Variants in PPP1R1C observed in about 807,000 individuals in gnomAD.
PPP1R1C encodes the protein protein phosphatase 1 regulatory subunit 1C.
A neutral mutation model predicts 17.4 loss-of-function variants in PPP1R1C; 15 were observed. The observed-to-expected ratio is 0.86, with a 90% CI of 0.58 to 1.33. The LOEUF (loss-of-function observed/expected upper bound fraction) is 1.33. Ranked by LOEUF, PPP1R1C falls within the 40% of genes most tolerant of loss-of-function variation. The pLI is 0.00. For synonymous variants in PPP1R1C, 35 were observed against 43.1 expected (o/e 0.81, Z 0.73); for missense variants, 143 against 130.0 (o/e 1.10, Z -0.48).
At chr2:181,988,661 T>C (rs1685371083) in intron 2 of PPP1R1C, among the ~76,000 whole-genome samples, 1 of 152,182 alleles carries the variant, frequency 6.6e-6, no homozygotes, top group Middle Eastern at 3.2e-3. Flanking sequence ...TTTGCAGGTA[T>C]AAACAATAAT....
At chr2:182,124,080 A>G (rs1486575096) in intron 5 of PPP1R1C, among the ~76,000 whole-genome samples, 1 of 152,196 alleles carries the variant, frequency 6.6e-6, no homozygotes, top group Non-Finnish European at 1.5e-5. Flanking sequence ...ATGGCTAGCC[A>G]GTTTTCCCCA....
Position 181,962,151 on chromosome 2 carries a change from T to C in PPP1R1C, n.111+7517T>C. 1.4e-6 allele frequency: 1 copy of C among 736,890 alleles called. No homozygotes were observed. Among genetic ancestry groups the C allele is most frequent in the South Asian group, 1.4e-5 (1 of 73,638 alleles). The allele number at this position is 736,890 out of a possible 1,614,324, so 45.6% of individuals were successfully genotyped here. On this transcript the variant is annotated intron_variant and non_coding_transcript_variant, in intron 1 of 5. Coordinates refer to the PPP1R1C transcript ENST00000464264. This position sits in a 1 kb window ranked among gnomAD's most constrained non-coding sequence, Gnocchi z 6.0. Reference sequence around the variant, plus strand: ...TTCTCCAGGTGCTCCCGGATTTTGCTCTCCAGCTTCCGGTTCTTGGTCTCC... The same window carrying C: ...TTCTCCAGGTGCTCCCGGATTTTGCCCTCCAGCTTCCGGTTCTTGGTCTCC...
intron 1 of PPP1R1C, among the ~76,000 whole-genome samples, chr2:181,986,708 T>G (rs1305837905): frequency 1.3e-5 from 2 of 152,220 alleles, no homozygotes; most frequent in African/African-American, 4.8e-5. Context: ...GATTTGTAGC[T>G]TTTTGTACAG....
In PPP1R1C at chr2:182,038,693, G is replaced by C. The variant is rs72893112; in HGVS notation, c.143-22749G>C. ...AGGGTTTTTGTGAATCAAATCCATGGATTTAAAAAAGCAATAGGCTGTGTG... is the reference window on the plus strand; with the variant it reads ...AGGGTTTTTGTGAATCAAATCCATGCATTTAAAAAAGCAATAGGCTGTGTG... On this transcript the variant is annotated intron_variant, in intron 2 of 4. Transcript: ENST00000682840. Among the ~76,000 whole-genome samples the C allele has an allele frequency of 8.1e-3, 1,226 of 152,270 alleles. 7 individuals carry two copies. Among genetic ancestry groups the C allele is most frequent in the Non-Finnish European group, 0.014 (948 of 68,018 alleles).
At chr2:182,117,044 G>A (rs1345367193) in intron 4 of PPP1R1C, among the ~76,000 whole-genome samples, 163 bp from the exon 5 acceptor site, 1 of 152,112 alleles carries the variant, frequency 6.6e-6, no homozygotes, top group African/African-American at 2.4e-5. Context: ...ATTGCTCAGT[G>A]AATTAAAAGG....
chr2:181,959,573 T>C (rs2125130047), intron 1 of PPP1R1C, among the ~76,000 whole-genome samples: 1 of 152,282 alleles, frequency 6.6e-6, no homozygotes, highest in East Asian at 1.9e-4. Flanking sequence ...ATTAAGACAT[T>C]CCAGCAAAAT....
At chr2:181,988,049 G>T (rs1685355286) in intron 2 of PPP1R1C, 150 bp downstream of exon 2, 2 of 615,386 alleles carry the variant, frequency 3.2e-6, no homozygotes, top group South Asian at 4.7e-5. Context: ...ATCGTAAACA[G>T]AATCAGAAAT....
intron 2 of PPP1R1C, among the ~76,000 whole-genome samples, chr2:181,998,310 C>A (rs559914673): frequency 3.3e-5 from 5 of 152,146 alleles, no homozygotes. Flanking sequence ...GTGTGAGAGG[C>A]TTTTGGCAGA....
At chr2:181,970,343 T>A (rs972208252) in intron 1 of PPP1R1C, among the ~76,000 whole-genome samples, 4 of 152,190 alleles carry the variant, frequency 2.6e-5, no homozygotes, top group Non-Finnish European at 4.4e-5. Context: ...TGCAGCCATA[T>A]CTGCATTAGG....
chr2:182,097,746 T>G (rs1029519323), intron 4 of PPP1R1C, among the ~76,000 whole-genome samples: 2 of 152,196 alleles, frequency 1.3e-5, no homozygotes, highest in African/African-American at 4.8e-5. Flanking sequence ...CCAGAATGAC[T>G]CTCATAAAAC....
chr2:182,049,891 T>C (rs1687459192), intron 2 of PPP1R1C, among the ~76,000 whole-genome samples: 1 of 152,202 alleles, frequency 6.6e-6, no homozygotes, highest in South Asian at 2.1e-4. Flanking sequence ...CAGAGACAAA[T>C]TGCATGTTTT....
intron 2 of PPP1R1C, among the ~76,000 whole-genome samples, chr2:182,052,118 G>T (rs1380385346): frequency 6.6e-6 from 1 of 152,108 alleles, no homozygotes. Flanking sequence ...GAAGTTAAAA[G>T]GTATCAAATA....
intron 5 of PPP1R1C, among the ~76,000 whole-genome samples, chr2:182,126,927 G>A (rs971728946): frequency 6.6e-6 from 1 of 151,972 alleles, no homozygotes; most frequent in African/African-American, 2.4e-5. Context: ...AATGATATTG[G>A]ATTCATCTTT....
rs1305468571 is a variant in PPP1R1C, at chr2:182,046,727, GTC to G, written c.143-14711_143-14710del. On this transcript the variant is annotated intron_variant, in intron 2 of 4. Transcript: ENST00000682840. ...GCATTCCAGCCTGGCAACAGAGCGAGTCTCTGTCTCAAGAAAAAAAAAAAAAA... is the reference window on the plus strand; with the variant it reads ...GCATTCCAGCCTGGCAACAGAGCGAGTCTGTCTCAAGAAAAAAAAAAAAAA... Among the ~76,000 whole-genome samples the G allele has an allele frequency of 5.3e-5, 8 of 150,060 alleles. No homozygotes were observed. In the East Asian group the frequency reaches 1.6e-3, roughly 29 times the overall value.
At chr2:182,069,311 C>G (rs1380285339) in intron 4 of PPP1R1C, among the ~76,000 whole-genome samples, 2 of 151,550 alleles carry the variant, frequency 1.3e-5, no homozygotes, top group Non-Finnish European at 2.9e-5. Context: ...GCTCCTATTT[C>G]CAGACCCACT....
chr2:181,965,592 A>AAAATG (rs1684891546), intron 1 of PPP1R1C, among the ~76,000 whole-genome samples: 1 of 152,222 alleles, frequency 6.6e-6, no homozygotes, highest in Non-Finnish European at 1.5e-5. Context: ...ATCTTTGTTG[A>AAAATG]AAATGAGTTC....
intron 4 of PPP1R1C, among the ~76,000 whole-genome samples, chr2:182,064,639 G>T (rs17366088): frequency 6.6e-6 from 1 of 151,924 alleles, no homozygotes; most frequent in Non-Finnish European, 1.5e-5. Flanking sequence ...AGGGAGGCGG[G>T]ATATAAATGG....
intron 2 of PPP1R1C, among the ~76,000 whole-genome samples, chr2:181,990,209 G>T (rs559805674): frequency 6.6e-6 from 1 of 151,738 alleles, no homozygotes; most frequent in Admixed American, 6.6e-5. Flanking sequence ...CGCGATCTCA[G>T]CTCACTGCAA....
At chr2:182,009,955 G>C (rs1686042004) in intron 2 of PPP1R1C, among the ~76,000 whole-genome samples, 1 of 151,878 alleles carries the variant, frequency 6.6e-6, no homozygotes, top group South Asian at 2.1e-4. Flanking sequence ...TTTGTTTCTG[G>C]GTTCTCAATT....
Sources: gnomAD v4.1 joint callset for allele counts (sites outside exome capture counted in the v4.1 genomes callset) on GRCh38, gnomAD v4.1.1 for gene constraint, Gnocchi (gnomAD v3.1) non-coding constraint, MANE v1.5 for transcripts, NCBI Gene and HGNC (gene_info 2026-07-23, HGNC 2026-07-21) for gene names.